AP2B1: variants seen among roughly 807,000 people sequenced by gnomAD.
AP2B1 encodes AP-2 complex subunit beta.
A neutral mutation model predicts 102.0 loss-of-function variants in AP2B1; 23 were observed. The ratio of observed to expected loss-of-function variants is 0.23; its 90% CI spans 0.16 to 0.32. The LOEUF (loss-of-function observed/expected upper bound fraction) is 0.32. AP2B1 is among the 10% of genes least tolerant of loss of function. The pLI is 1.00. For synonymous variants in AP2B1, 381 were observed against 421.2 expected, an observed-to-expected ratio of 0.90 and a Z score of 1.17; for missense variants, 541 against 1,157.4, an observed-to-expected ratio of 0.47 and a Z score of 7.73.
At chr17:35,691,673 AGTTGGATCCAGC>A (rs2076045114) in intron 18 of AP2B1, among the ~76,000 whole-genome samples, 1 of 152,236 alleles carries the variant, frequency 6.6e-6, no homozygotes, top group East Asian at 1.9e-4. Context: ...CACGTCAGAC[AGTTGGATCCAGC>A]GTTGGATCTA....
At chr17:35,595,268 G>A (rs2073229703) in intron 2 of AP2B1, among the ~76,000 whole-genome samples, 1 of 152,210 alleles carries the variant, frequency 6.6e-6, no homozygotes, top group African/African-American at 2.4e-5. Context: ...AGGTGGCCAG[G>A]CATGGTGGCT....
chr17:35,713,894 G>C (rs1390524086), intron 20 of AP2B1: 1 of 152,176 alleles, frequency 6.6e-6, no homozygotes. Flanking sequence ...TTCTAGCACC[G>C]ATCATTTCTG....
chr17:35,678,512 C>T (rs540982172), intron 17 of AP2B1, among the ~76,000 whole-genome samples: 10 of 152,256 alleles, frequency 6.6e-5, no homozygotes, highest in Non-Finnish European at 1.5e-4. Flanking sequence ...ATAGGTTTTT[C>T]GTGGAGCTTG....
chr17:35,621,680 C>T (rs2074183174), intron 5 of AP2B1, among the ~76,000 whole-genome samples: 1 of 152,190 alleles, frequency 6.6e-6, no homozygotes, highest in African/African-American at 2.4e-5. Flanking sequence ...TCAGACCATA[C>T]ACTTCATTAG....
intron 13 of AP2B1, among the ~76,000 whole-genome samples, chr17:35,653,997 G>C (rs1598186007): frequency 6.6e-6 from 1 of 151,704 alleles, no homozygotes; most frequent in African/African-American, 2.4e-5. Context: ...GTTTTTGTTT[G>C]TGTCAAAATT....
chr17:35,666,166 C>G (rs553019818), intron 14 of AP2B1, among the ~76,000 whole-genome samples: 34 of 152,234 alleles, frequency 2.2e-4, no homozygotes, highest in African/African-American at 7.9e-4. Context: ...CTCTACCTGG[C>G]TCTACAGAGC....
intron 14 of AP2B1, among the ~76,000 whole-genome samples, chr17:35,664,936 CT>C (rs977618490): frequency 4.6e-5 from 7 of 152,072 alleles, no homozygotes; most frequent in African/African-American, 1.7e-4. Context: ...CATCCCCCTA[CT>C]TTTCCACTGA....
chr17:35,599,678 C>T (rs1272028453), intron 3 of AP2B1, among the ~76,000 whole-genome samples: 3 of 152,080 alleles, frequency 2.0e-5, no homozygotes, highest in East Asian at 1.9e-4. Context: ...CCGAGGCAGG[C>T]GGATCACTTG....
chr17:35,713,186 G>A (rs1362641642), intron 20 of AP2B1, among the ~76,000 whole-genome samples: 1 of 152,236 alleles, frequency 6.6e-6, no homozygotes, highest in Admixed American at 6.5e-5. Context: ...AGCAAATTCA[G>A]TTTTGATCAA....
intron 20 of AP2B1, among the ~76,000 whole-genome samples, chr17:35,715,828 A>AG (rs1555589611): frequency 6.6e-6 from 1 of 152,212 alleles, no homozygotes; most frequent in Non-Finnish European, 1.5e-5. Context: ...TGGAAATAAA[A>AG]GGGGAAAAGC....
intron 17 of AP2B1, among the ~76,000 whole-genome samples, chr17:35,675,652 G>T (rs1213587968): frequency 1.2e-4 from 18 of 150,992 alleles, no homozygotes; most frequent in Admixed American, 1.2e-3. Context: ...TTTTTGTGGG[G>T]GGATGGAGTC....
At chr17:35,665,949 A>G (rs1024942965) in intron 14 of AP2B1, among the ~76,000 whole-genome samples, 1 of 152,214 alleles carries the variant, frequency 6.6e-6, no homozygotes, top group African/African-American at 2.4e-5. Flanking sequence ...GTTATCTCAG[A>G]TGATATTCCT....
intron 5 of AP2B1, among the ~76,000 whole-genome samples, chr17:35,611,176 T>C (rs2073851556): frequency 6.6e-6 from 1 of 152,240 alleles, no homozygotes; most frequent in Non-Finnish European, 1.5e-5. Flanking sequence ...TTTGATTCAC[T>C]GTTATTCTGA....
chr17:35,602,146 T>G lies in AP2B1; in HGVS notation c.144-3559T>G, dbSNP rs535349692. ...TATTATGTACTTAGCACTATACCACTTATCATTATTCAAACAAAAGGCTAG... is the reference window on the plus strand; with the variant it reads ...TATTATGTACTTAGCACTATACCACGTATCATTATTCAAACAAAAGGCTAG... On this transcript the variant is annotated intron_variant, in intron 3 of 21. Coordinates refer to ENST00000610402, the MANE Select transcript of AP2B1 (RefSeq NM_001030006.2). Among the ~76,000 whole-genome samples the G allele has an allele frequency of 3.8e-4, 58 of 152,380 alleles. 1 individual carries two copies. In the South Asian group the frequency reaches 0.011, roughly 30 times the overall value.
chr17:35,666,500 T>G lies in AP2B1; in HGVS notation c.1990-4357T>G, dbSNP rs565241160. ...TCAATTCTCAGTATTTGAAATATTCTTTTCCTGAAGTTGCCGTCTTTCCCC... is the reference window on the plus strand; with the variant it reads ...TCAATTCTCAGTATTTGAAATATTCGTTTCCTGAAGTTGCCGTCTTTCCCC... On this transcript the variant is annotated intron_variant, in intron 14 of 21. Transcript: ENST00000610402. Among the ~76,000 whole-genome samples the G allele has an allele frequency of 2.6e-5, 4 of 152,334 alleles. No individual in the cohort carries two copies. In the South Asian group the frequency reaches 6.2e-4, roughly 24 times the overall value.
intron 9 of AP2B1, among the ~76,000 whole-genome samples, chr17:35,635,310 C>T (rs938988993): frequency 6.6e-6 from 1 of 152,192 alleles, no homozygotes; most frequent in African/African-American, 2.4e-5. Flanking sequence ...CACCTCTCAC[C>T]TCCCAAAGTG....
intron 18 of AP2B1, among the ~76,000 whole-genome samples, chr17:35,704,963 G>A (rs1598332752): frequency 1.3e-5 from 2 of 152,110 alleles, no homozygotes. Flanking sequence ...CCCGGGGGGC[G>A]GAGGTTGCAG....
chr17:35,688,922 C>G (rs2075988504), intron 18 of AP2B1, among the ~76,000 whole-genome samples: 1 of 152,132 alleles, frequency 6.6e-6, no homozygotes, highest in Non-Finnish European at 1.5e-5. Flanking sequence ...TGAGATTACG[C>G]CACTGCACTC....
chr17:35,639,561 C>T (rs1360463542), intron 10 of AP2B1, 34 bp from the exon 11 acceptor site: 6 of 1,572,612 alleles, frequency 3.8e-6, no homozygotes, highest in Non-Finnish European at 5.2e-6. Flanking sequence ...CTTAGTTTTG[C>T]CCTCAATAAC....
Sources: allele counts gnomAD v4.1 joint callset (sites outside exome capture counted in the v4.1 genomes callset), GRCh38; gene constraint gnomAD v4.1.1; transcripts MANE v1.5; gene names NCBI Gene and HGNC (gene_info 2026-07-23, HGNC 2026-07-21).